The following TENM3 variants were observed in gnomAD, a reference collection of about 807,000 sequenced individuals.
The protein encoded by TENM3 is teneurin-3.
In TENM3, 63 loss-of-function variants were observed where a neutral mutation model predicts 255.1. The ratio of observed to expected loss-of-function variants is 0.25; its 90% CI spans 0.20 to 0.30. TENM3 has a LOEUF of 0.30. Ranked by LOEUF, TENM3 falls within the 10% of genes least tolerant of loss-of-function variation. The pLI, the probability that TENM3 is intolerant of heterozygous loss-of-function variation, is 1.00. For synonymous variants in TENM3, 1,306 were observed against 1,322.3 expected (o/e 0.99, Z 0.27); for missense variants, 2,929 against 3,461.1 (o/e 0.85, Z 3.86).
intron 1 of TENM3, among the ~76,000 whole-genome samples, chr4:182,298,184 G>A (rs1339506122): frequency 6.6e-6 from 1 of 152,112 alleles, no homozygotes. Context: ...TTATTTTGTT[G>A]TCTGTTTCCC....
At chr4:182,655,528 G>A (rs1753676958) in intron 6 of TENM3, among the ~76,000 whole-genome samples, 1 of 152,124 alleles carries the variant, frequency 6.6e-6, no homozygotes, top group African/African-American at 2.4e-5. Context: ...CTCTGCTCAC[G>A]TCAGCACTCC....
the TENM3 span, among the ~76,000 whole-genome samples, chr4:182,117,045 G>A: frequency 2.6e-5 from 4 of 152,162 alleles, no homozygotes; most frequent in African/African-American, 9.7e-5. Context: ...TATATATAAT[G>A]TTGAATATCT....
In TENM3 at chr4:182,600,955, C is replaced by G. The variant is rs190272851; in HGVS notation, c.543C>G (p.Thr181=). Residue 181 remains threonine (T), a synonymous_variant, in exon 4 of 28, where the codon ACC becomes ACG. Coordinates refer to ENST00000511685, the MANE Select transcript of TENM3 (RefSeq NM_001080477.4). ...EQPASNQGQS[T]LQPLPPSHKQ... ...CTGCAAGCAATCAAGGCCAGTCTAC[C>G]CTGCAGCCCTTGCCGCCTTCCCATA... 5,540 of 1,599,610 alleles carry G rather than the reference C, an allele frequency of 3.5e-3. 11 individuals are homozygous for G. The highest frequency in any genetic ancestry group is 4.4e-3 in the Non-Finnish European group (5,141 of 1,173,238).
chr4:182,530,224 T>C (rs1482372592), intron 3 of TENM3, among the ~76,000 whole-genome samples: 1 of 152,208 alleles, frequency 6.6e-6, no homozygotes, highest in African/African-American at 2.4e-5. Context: ...AGGCTCATAT[T>C]TTCTTTTTGT....
chr4:182,244,111 G>A (rs1004526697), intron 1 of TENM3, among the ~76,000 whole-genome samples: 41 of 149,588 alleles, frequency 2.7e-4, no homozygotes, highest in South Asian at 6.5e-4. Flanking sequence ...CCGCCACCAC[G>A]CCCGGCTAAT....
At chr4:182,762,911 A>C (rs964619776) in intron 22 of TENM3, among the ~76,000 whole-genome samples, 4 of 144,764 alleles carry the variant, frequency 2.8e-5, no homozygotes, top group African/African-American at 9.8e-5. Context: ...TCGTAAACAC[A>C]CGTACTGATG....
intron 22 of TENM3, among the ~76,000 whole-genome samples, chr4:182,771,128 T>C (rs1489780158): frequency 6.6e-6 from 1 of 152,162 alleles, no homozygotes; most frequent in Non-Finnish European, 1.5e-5. Flanking sequence ...TCCTGTGATA[T>C]AGAATGCCTG....
chr4:181,559,449 G>A, the TENM3 span, among the ~76,000 whole-genome samples: 6 of 152,176 alleles, frequency 3.9e-5, no homozygotes, highest in Non-Finnish European at 5.9e-5. Context: ...AGACTCAGAA[G>A]ACTTGAGTTC....
At chr4:182,224,960 C>A (rs1756058162) in intron 1 of TENM3, among the ~76,000 whole-genome samples, 1 of 152,046 alleles carries the variant, frequency 6.6e-6, no homozygotes, top group South Asian at 2.1e-4. Flanking sequence ...TCTCGAACTC[C>A]TGATCTCGTG....
chr4:182,794,452 C>T (rs1766342760), intron 26 of TENM3, among the ~76,000 whole-genome samples: 2 of 152,038 alleles, frequency 1.3e-5, no homozygotes, highest in South Asian at 4.1e-4. Context: ...CCATTTCATC[C>T]CTGGGAGGTG....
At chr4:182,423,966 C>G (rs913863193) in intron 3 of TENM3, among the ~76,000 whole-genome samples, 2 of 152,110 alleles carry the variant, frequency 1.3e-5, no homozygotes, top group Admixed American at 6.6e-5. Flanking sequence ...TTACCGTGTT[C>G]TGTAACTCAA....
chr4:182,621,694 ATTATATATAAAAT>A (rs1162194284), intron 4 of TENM3, among the ~76,000 whole-genome samples: 846 of 5,032 alleles, frequency 0.17, 40 homozygotes, highest in Non-Finnish European at 0.41. Flanking sequence ...TATAATATAT[ATTATATATAAAAT>A]ATATAATATA....
the TENM3 span, among the ~76,000 whole-genome samples, chr4:181,517,105 A>T: frequency 1.3e-5 from 2 of 152,078 alleles, no homozygotes; most frequent in Non-Finnish European, 2.9e-5. Context: ...AAAGAGTGAC[A>T]ATTATATCCT....
the TENM3 span, among the ~76,000 whole-genome samples, chr4:181,467,121 ATATATTTTTTTTTT>A: frequency 1.6e-3 from 32 of 20,362 alleles, 1 homozygote; most frequent in East Asian, 0.013. Flanking sequence ...ATATATATAT[ATATATTTTTTTTTT>A]TTTTTTTTTT....
chr4:182,625,647 T>C (rs1156782874), intron 4 of TENM3, among the ~76,000 whole-genome samples: 1 of 152,202 alleles, frequency 6.6e-6, no homozygotes, highest in South Asian at 2.1e-4. Flanking sequence ...TTTGGCCCTG[T>C]GAAATTCATA....
At chr4:181,799,095 T>A in the TENM3 span, among the ~76,000 whole-genome samples, 1 of 152,194 alleles carries the variant, frequency 6.6e-6, no homozygotes, top group Non-Finnish European at 1.5e-5. Flanking sequence ...ACAAATGTAA[T>A]ATCCTTAGAA....
intron 1 of TENM3, among the ~76,000 whole-genome samples, chr4:182,183,573 C>T (rs1752965655): frequency 6.6e-6 from 1 of 152,080 alleles, no homozygotes; most frequent in Non-Finnish European, 1.5e-5. Context: ...ATTTCCTTTC[C>T]TTCTTTTCTA....
At chr4:182,570,143 A>G (rs2152013057) in intron 3 of TENM3, among the ~76,000 whole-genome samples, 1 of 152,284 alleles carries the variant, frequency 6.6e-6, no homozygotes, top group South Asian at 2.1e-4. Flanking sequence ...GACTCAGACA[A>G]TGGCAGCAGG....
At chr4:182,596,248 T>A (rs114566706) in intron 3 of TENM3, among the ~76,000 whole-genome samples, 260 of 152,344 alleles carry the variant, frequency 1.7e-3, no homozygotes, top group African/African-American at 6.0e-3. Context: ...CTCAACTTTT[T>A]ACTACTTCCA....
Sources: gnomAD v4.1 joint callset for allele counts (sites outside exome capture counted in the v4.1 genomes callset) on GRCh38, gnomAD v4.1.1 for gene constraint, MANE v1.5 for transcripts, NCBI Gene and HGNC (gene_info 2026-07-23, HGNC 2026-07-21) for gene names.